Variants in MAP3K1 observed in about 807,000 individuals in gnomAD.
MAP3K1 encodes the protein MAP/ERK kinase kinase 1.
Under a neutral mutation model 144.2 loss-of-function variants are expected in MAP3K1, and 36 were observed. The observed-to-expected ratio is 0.25, with a 90% confidence interval of 0.19 to 0.33. The LOEUF (loss-of-function observed/expected upper bound fraction) is 0.33, where lower values mean the gene tolerates loss of function less well. MAP3K1 is among the 10% of genes least tolerant of loss of function. The pLI, the probability that MAP3K1 is intolerant of heterozygous loss-of-function variation, is 1.00. For missense variants in MAP3K1, 1,650 were observed against 1,881.9 expected (o/e 0.88, Z 2.28); for synonymous variants, 718 against 688.7 (o/e 1.04, Z -0.67).
At chr5:56,856,479 G>T in intron 1 of MAP3K1, 121 bp from the exon 2 acceptor site, 1 of 852,554 alleles carries the variant, frequency 1.2e-6, no homozygotes, top group East Asian at 2.6e-5. Context: ...GTTTTTAGCA[G>T]TTATCTTTTT....
At chr5:56,860,375 T>C (rs1747469883) in intron 3 of MAP3K1, among the ~76,000 whole-genome samples, 1 of 152,254 alleles carries the variant, frequency 6.6e-6, no homozygotes, top group Admixed American at 6.5e-5. Context: ...AAAGCACTTC[T>C]ACATACCAAA....
At position 56,893,834 on chromosome 5, in the gene MAP3K1, A is replaced by G. The variant is rs1443591492; in HGVS notation, c.*154A>G. On this transcript the variant is annotated 3_prime_UTR_variant, in exon 20 of 20. Coordinates refer to ENST00000399503, the MANE Select transcript of MAP3K1 (RefSeq NM_005921.2). The stretch of plus-strand genomic sequence containing the variant: ...CCCTTACCTAAGTATGTGATTGACA[A>G]ATCATGATCTGTACCTAAGCTCAGT... 2 of 785,630 alleles carry G rather than the reference A, an allele frequency of 2.5e-6. No homozygotes were observed. The highest frequency in any genetic ancestry group is 4.3e-6 in the Non-Finnish European group (2 of 469,622). 48.7% of individuals were successfully genotyped at this position (785,630 alleles called of 1,614,324 possible).
intron 13 of MAP3K1, 21 bp downstream of exon 13, chr5:56,881,293 G>T: frequency 6.3e-7 from 1 of 1,589,716 alleles, no homozygotes; most frequent in South Asian, 1.1e-5. Context: ...TTCTGAAAAT[G>T]TATTACTTGT....
chr5:56,830,033 ACTT>A lies in MAP3K1; in HGVS notation c.482+13982_482+13984del, dbSNP rs577870727. On this transcript the variant is annotated intron_variant, in intron 1 of 19. Coordinates refer to ENST00000399503, the MANE Select transcript of MAP3K1 (RefSeq NM_005921.2). ...AAAGAGAAAAGGTTTATGCTCAAGA[ACTT>A]CTTGCTTTTTCTTCTCCCTCTTACT... Among the ~76,000 whole-genome samples the A allele has an allele frequency of 1.5e-4, 23 of 152,304 alleles. No individual in the cohort carries two copies. The East Asian group carries it at 3.9e-3, about 26-fold the overall frequency.
intron 1 of MAP3K1, among the ~76,000 whole-genome samples, chr5:56,832,771 T>C (rs1445917012): frequency 6.6e-6 from 1 of 152,276 alleles, no homozygotes; most frequent in East Asian, 1.9e-4. Flanking sequence ...TAGTGTATTA[T>C]GAAGTCAAAA....
chr5:56,877,488 C>T (rs1009719258), intron 10 of MAP3K1, among the ~76,000 whole-genome samples: 12 of 150,018 alleles, frequency 8.0e-5, no homozygotes, highest in Non-Finnish European at 7.4e-5. Flanking sequence ...CTGTCTCTTC[C>T]TTTTTTTCCT....
rs2088440357 is a variant in MAP3K1, at chr5:56,865,818, T to C, written c.1153-11T>C. ...ACAAATATCATTGTTACTGTCTTTT[T>C]CCAATGTTAGGTTGAGAGTTTGTTC... On this transcript the variant is annotated splice_polypyrimidine_tract_variant and intron_variant, in intron 5 of 19. Coordinates refer to ENST00000399503, the MANE Select transcript of MAP3K1 (RefSeq NM_005921.2). 6.2e-7 allele frequency: 1 copy of C among 1,613,484 alleles called. No individual in the cohort carries two copies. The highest frequency in any genetic ancestry group is 1.3e-5 in the African/African-American group (1 of 74,916).
chr5:56,827,768 G>A (rs1424003058), intron 1 of MAP3K1, among the ~76,000 whole-genome samples: 2 of 152,126 alleles, frequency 1.3e-5, no homozygotes, highest in Non-Finnish European at 2.9e-5. Flanking sequence ...GGAGGCTGAG[G>A]CAGGAGAATC....
At chr5:56,817,781 C>G (rs1429088313) in intron 1 of MAP3K1, among the ~76,000 whole-genome samples, 1 of 152,138 alleles carries the variant, frequency 6.6e-6, no homozygotes, top group Non-Finnish European at 1.5e-5. Context: ...AATAATTTAG[C>G]AAACGTCAGC....
At chr5:56,820,318 C>T (rs1746115715) in intron 1 of MAP3K1, 1 of 469,370 alleles carries the variant, frequency 2.1e-6, no homozygotes, top group Non-Finnish European at 2.8e-6. Flanking sequence ...ACTGACTCCA[C>T]AGTCCATTTC....
At position 56,881,793 on chromosome 5, in the gene MAP3K1, A is replaced by C; in HGVS notation, c.2593A>C (p.Ile865Leu). Residue 865 changes from isoleucine to leucine, a missense_variant, in exon 14 of 20, where the codon ATT (isoleucine) becomes CTT (leucine). Transcript: ENST00000399503. ...RLMAIADEVE[I>L]AEAIQLGVED... ...GATGGCTATTGCAGATGAGGTGGAA[A>C]TTGCCGAAGCCATCCAGTTGGGCGT... 6.2e-7 allele frequency: 1 copy of C among 1,614,134 alleles called. No homozygotes were observed.
chr5:56,840,312 T>C (rs1340390421), intron 1 of MAP3K1, among the ~76,000 whole-genome samples: 1 of 152,094 alleles, frequency 6.6e-6, no homozygotes, highest in Non-Finnish European at 1.5e-5. Context: ...CACACCTGGC[T>C]AATTTTTGTA....
rs1748242322 is a variant in MAP3K1 at position 56,882,230 on chromosome 5, T to C, written c.3030T>C (p.Ile1010=). The C allele has an allele frequency of 6.2e-7, 1 of 1,614,020 alleles. No individual in the cohort carries two copies. Among genetic ancestry groups the C allele is most frequent in the South Asian group, 1.1e-5 (1 of 91,084 alleles). Residue 1010 remains isoleucine (I), a synonymous_variant, in exon 14 of 20, where the codon ATT becomes ATC. Transcript: ENST00000399503. ...CTAAGCATAGACTTCAGGGATTCAT[T>C]CCCTGCAGAATACCTTCTGCATCTC... is the stretch of plus-strand genomic sequence containing the variant. ...DVSKHRLQGF[I]PCRIPSASPQ...
At chr5:56,828,313 GTCT>G in intron 1 of MAP3K1, among the ~76,000 whole-genome samples, 1 of 152,228 alleles carries the variant, frequency 6.6e-6, no homozygotes, top group South Asian at 2.1e-4. Flanking sequence ...AGGTTTCTTG[GTCT>G]TCTTTTCTCA....
In MAP3K1 at chr5:56,882,873, A is replaced by G. The variant is rs377540578; in HGVS notation, c.3666+7A>G. 5.6e-6 allele frequency: 9 copies of G among 1,602,762 alleles called. No individual in the cohort carries two copies. The highest frequency in any genetic ancestry group is 1.3e-5 in the African/African-American group (1 of 74,828). On this transcript the variant is annotated splice_region_variant and intron_variant, in intron 14 of 19. Transcript: ENST00000399503. ...CATCATTATTCAACAGGATGTAAGT[A>G]TAGATTCTTTAAGAGGTTAGAAAAC...
At position 56,872,886 on chromosome 5, in the gene MAP3K1, G is replaced by T; in HGVS notation, c.1567G>T (p.Val523Leu). 6.2e-7 allele frequency: 1 copy of T among 1,614,120 alleles called. No individual in the cohort carries two copies. The highest frequency in any genetic ancestry group is 8.5e-7 in the Non-Finnish European group (1 of 1,180,004). ...CCTCAGAGCTGCACAGCAGCAAACC[G>T]TACAGCAGCAGCCTTTGGCTGGATC... is the stretch of plus-strand genomic sequence containing the variant. The part of the protein sequence containing the change: ...SSLRAAQQQT[V>L]QQQPLAGSRR... Residue 523 changes from valine to leucine, a missense_variant, in exon 9 of 20, where the codon GTA becomes TTA. This residue lies in a region of MAP3K1 where 841 missense variants were observed against 886.5 expected (regional missense o/e 0.95). Coordinates refer to ENST00000399503, the MANE Select transcript of MAP3K1 (RefSeq NM_005921.2).
chr5:56,820,850 G>A (rs551241431), intron 1 of MAP3K1: 4 of 938,840 alleles, frequency 4.3e-6, no homozygotes, highest in East Asian at 1.2e-4. Context: ...TCACAATACC[G>A]TGTTAAGTGC....
At chr5:56,820,043 A>AT (rs1416649573) in intron 1 of MAP3K1, among the ~76,000 whole-genome samples, 1 of 152,146 alleles carries the variant, frequency 6.6e-6, no homozygotes, top group Non-Finnish European at 1.5e-5. Context: ...ATATATTAGG[A>AT]TTTTATCTGT....
chr5:56,891,106 T>A (rs1748535383), intron 19 of MAP3K1, among the ~76,000 whole-genome samples: 2 of 149,492 alleles, frequency 1.3e-5, no homozygotes, highest in African/African-American at 4.9e-5. Context: ...TGTGAATATA[T>A]TGGCCTTTTT....
Sources: gnomAD v4.1 joint callset for allele counts (sites outside exome capture counted in the v4.1 genomes callset) on GRCh38, gnomAD v4.1.1 for gene constraint, gnomAD v4.1.1 regional missense constraint, MANE v1.5 for transcripts, NCBI Gene and HGNC (gene_info 2026-07-23, HGNC 2026-07-21) for gene names.